FADS2: variants seen among roughly 807,000 people sequenced by gnomAD.
FADS2 encodes acyl-CoA 6-desaturase.
A neutral mutation model predicts 61.2 loss-of-function variants in FADS2; 18 were observed. That is an observed-to-expected ratio of 0.29 (90% CI 0.20 to 0.44). The LOEUF (loss-of-function observed/expected upper bound fraction) is 0.44, where lower values mean the gene tolerates loss of function less well. Ranked by LOEUF, FADS2 falls within the 20% of genes least tolerant of loss-of-function variation. FADS2 has a pLI of 1.00. For missense variants in FADS2, 322 were observed against 572.7 expected (o/e 0.56, Z 4.47); for synonymous variants, 203 against 223.9 (o/e 0.91, Z 0.83).
chr11:61,865,283 G>A lies in FADS2; in HGVS notation c.1283+6G>A. The A allele has an allele frequency of 1.9e-6, 3 of 1,612,598 alleles. No individual in the cohort carries two copies. Among genetic ancestry groups the A allele is most frequent in the African/African-American group, 1.3e-5 (1 of 75,014 alleles). On this transcript the variant is annotated splice_donor_region_variant and intron_variant, in intron 11 of 11. Transcript: ENST00000278840. This position sits in a 1 kb window ranked among gnomAD's most constrained non-coding sequence, Gnocchi z 4.1. ...GCCCTGCTGGACATCATCAGGTGAG[G>A]GGTGGAGGTCCACAGGCGCTGGGCC...
chr11:61,866,022 C>T lies in FADS2; in HGVS notation c.*333C>T. On this transcript the variant is annotated 3_prime_UTR_variant, in exon 12 of 12. Coordinates refer to ENST00000278840, the MANE Select transcript of FADS2 (RefSeq NM_004265.4). ...CTCTGCCCCTAAAGATGGGAGGAGA[C>T]CAGCGGTCCATGGGTCTGGCCTGTG... is the stretch of plus-strand genomic sequence containing the variant. 2.2e-6 allele frequency: 1 copy of T among 460,672 alleles called. No homozygotes were observed. The highest frequency in any genetic ancestry group is 3.8e-6 in the Non-Finnish European group (1 of 259,898). 28.5% of individuals were successfully genotyped at this position (460,672 alleles called of 1,614,324 possible). A position where few individuals can be genotyped will look rare whatever the true frequency, so the allele number is the denominator to read the frequency against.
At chr11:61,853,290 C>CCCTCCCTCCCTCCCTCCCTTCCTT (rs1487391139) in intron 5 of FADS2, among the ~76,000 whole-genome samples, 3 of 81,692 alleles carry the variant, frequency 3.7e-5, no homozygotes, top group Non-Finnish European at 6.6e-5. Flanking sequence ...CTCCCTCCCT[C>CCCTCCCTCCCTCCCTCCCTTCCTT]CCTTCCTTCC....
Position 61,822,490 on chromosome 11 carries a change from C to G in FADS2, c.141+6064C>G, listed in dbSNP as rs373647055. 9.1e-4 allele frequency among the ~76,000 whole-genome samples: 138 copies of G among 152,258 alleles called. 1 individual carries two copies. Among genetic ancestry groups the G allele is most frequent in the Non-Finnish European group, 1.7e-3 (117 of 68,018 alleles). ...ATAAATGTTTTGGTATAAGGCCACCCTGGTTCAAAGAGGAGAAGGCTGTTG... is the reference window on the plus strand; with the variant it reads ...ATAAATGTTTTGGTATAAGGCCACCGTGGTTCAAAGAGGAGAAGGCTGTTG... On this transcript the variant is annotated intron_variant, in intron 1 of 11. Coordinates refer to the FADS2 transcript ENST00000257261.
intron 1 of FADS2, among the ~76,000 whole-genome samples, chr11:61,835,369 T>C (rs1407173807): frequency 6.6e-6 from 1 of 151,146 alleles, no homozygotes; most frequent in Non-Finnish European, 1.5e-5. Context: ...CCAGGAGTGG[T>C]TAGCACTTTC....
chr11:61,826,255 T>C (rs766593806), upstream of FADS2: 24 of 702,366 alleles, frequency 3.4e-5, no homozygotes, highest in Non-Finnish European at 5.7e-5. Context: ...CATTTGTGTC[T>C]TCAACACATG....
upstream of FADS2, chr11:61,826,109 G>A (rs2067083014): frequency 1.4e-6 from 1 of 702,432 alleles, no homozygotes; most frequent in African/African-American, 1.7e-5. Flanking sequence ...CAGTACACCT[G>A]CTTTACGGAT....
chr11:61,837,589 T>C (rs908480684), intron 1 of FADS2, among the ~76,000 whole-genome samples, 189 bp from the exon 2 acceptor site: 1 of 152,206 alleles, frequency 6.6e-6, no homozygotes, highest in African/African-American at 2.4e-5. Flanking sequence ...GCTGTTGCCA[T>C]TGGCGTTGGG....
chr11:61,834,199 C>T (rs1591166561), intron 1 of FADS2, among the ~76,000 whole-genome samples: 1 of 152,154 alleles, frequency 6.6e-6, no homozygotes, highest in Admixed American at 6.5e-5. Flanking sequence ...TGTTCAAGGG[C>T]GGTCCGCACC....
intron 10 of FADS2, 75 bp downstream of exon 10, chr11:61,863,861 G>A: frequency 8.5e-7 from 1 of 1,171,526 alleles, no homozygotes; most frequent in Non-Finnish European, 1.3e-6. Flanking sequence ...TGGGCAGAAT[G>A]CAGAATGTGG....
intron 4 of FADS2, among the ~76,000 whole-genome samples, chr11:61,846,079 C>T (rs186485943): frequency 4.9e-4 from 74 of 151,680 alleles, no homozygotes; most frequent in Middle Eastern, 3.4e-3. Flanking sequence ...TGACAACAAA[C>T]GCAAATGTGT....
At position 61,852,950 on chromosome 11, in the gene FADS2, C is replaced by T. The variant is rs148641292; in HGVS notation, c.745-4061C>T. Among the ~76,000 whole-genome samples, 888 of 152,182 alleles carry T rather than the reference C, an allele frequency of 5.8e-3. 9 individuals are homozygous for T. The highest frequency in any genetic ancestry group is 0.02 in the African/African-American group (839 of 41,514). On this transcript the variant is annotated intron_variant, in intron 5 of 11. Coordinates refer to ENST00000278840, the MANE Select transcript of FADS2 (RefSeq NM_004265.4). The stretch of plus-strand genomic sequence containing the variant: ...CTGGCGGATCACGAGGTCAGGAGAT[C>T]GAGACCATCTTGGCTAACACAATGA...
chr11:61,843,586 G>T (rs561414412), intron 4 of FADS2, among the ~76,000 whole-genome samples: 19 of 152,264 alleles, frequency 1.2e-4, no homozygotes, highest in African/African-American at 4.3e-4. Context: ...AATCTAAGGG[G>T]ACACCAGACA....
chr11:61,853,294 T>TCCTC (rs1565334588), intron 5 of FADS2, among the ~76,000 whole-genome samples: 21 of 72,018 alleles, frequency 2.9e-4, no homozygotes, highest in South Asian at 2.5e-3. Flanking sequence ...CTCCCTCCCT[T>TCCTC]CCTTCCTTCC....
At chr11:61,822,417 T>G in intron 1 of FADS2, among the ~76,000 whole-genome samples, 1 of 152,246 alleles carries the variant, frequency 6.6e-6, no homozygotes, top group East Asian at 1.9e-4. Flanking sequence ...CAGAACTTAT[T>G]TATAACTTTT....
chr11:61,857,552 C>A, intron 7 of FADS2, 22 bp downstream of exon 7: 4 of 1,602,612 alleles, frequency 2.5e-6, no homozygotes, highest in Non-Finnish European at 3.4e-6. Context: ...ACACAGCTGG[C>A]TTGGCATGGG....
At chr11:61,853,263 CTCCCTCCCTCCCT>C (rs2067324451) in intron 5 of FADS2, among the ~76,000 whole-genome samples, 3 of 116,910 alleles carry the variant, frequency 2.6e-5, no homozygotes, top group African/African-American at 1.5e-4. Context: ...CTTTCTTTCT[CTCCCTCCCTCCCT>C]TCCCTCCCTC....
At chr11:61,844,442 G>A (rs748561002) in intron 4 of FADS2, among the ~76,000 whole-genome samples, 5 of 152,100 alleles carry the variant, frequency 3.3e-5, no homozygotes, top group African/African-American at 7.2e-5. Context: ...GAGGGTGCTC[G>A]GGAGGCTAAG....
rs150599749 is a variant in FADS2, at chr11:61,842,495, G to A, written c.618+1770G>A. ...GATTCTGGGCAGGGGCCGGGCAGGGGGGATTGTTCCTGTCCAATTGCCCTC... is the reference window on the plus strand; with the variant it reads ...GATTCTGGGCAGGGGCCGGGCAGGGAGGATTGTTCCTGTCCAATTGCCCTC... On this transcript the variant is annotated intron_variant, in intron 4 of 11. Transcript: ENST00000278840. Among the ~76,000 whole-genome samples, 488 of 152,372 alleles carry A rather than the reference G, an allele frequency of 3.2e-3. 4 individuals are homozygous for A. Among genetic ancestry groups the A allele is most frequent in the African/African-American group, 9.5e-3 (395 of 41,590 alleles).
chr11:61,851,214 C>A (rs955733578), intron 5 of FADS2, among the ~76,000 whole-genome samples: 1 of 152,150 alleles, frequency 6.6e-6, no homozygotes, highest in Non-Finnish European at 1.5e-5. Context: ...AATGTAGAGC[C>A]GTTGGCTGTC....
Sources: allele counts gnomAD v4.1 joint callset (sites outside exome capture counted in the v4.1 genomes callset), GRCh38; gene constraint gnomAD v4.1.1; non-coding constraint Gnocchi (gnomAD v3.1); transcripts MANE v1.5; gene names NCBI Gene and HGNC (gene_info 2026-07-23, HGNC 2026-07-21).